The following MAGI2 variants were observed in gnomAD, a reference collection of about 807,000 sequenced individuals.
MAGI2 encodes the protein membrane associated guanylate kinase, WW and PDZ domain containing 2, also known as membrane-associated guanylate kinase, WW and PDZ domain-containing protein 2.
A neutral mutation model predicts 133.3 loss-of-function variants in MAGI2; 35 were observed. The ratio of observed to expected loss-of-function variants is 0.26; its 90% CI spans 0.20 to 0.35. The LOEUF (loss-of-function observed/expected upper bound fraction) is 0.35, where lower values mean the gene tolerates loss of function less well. Among genes scored for constraint, MAGI2 ranks in the 10% least tolerant of loss-of-function variants. The pLI is 1.00. For missense variants in MAGI2, 1,636 were observed against 1,863.4 expected (o/e 0.88, Z 2.25); for synonymous variants, 729 against 710.6 (o/e 1.03, Z -0.41).
At chr7:78,525,862 C>G (rs1796905233) in intron 3 of MAGI2, among the ~76,000 whole-genome samples, 1 of 152,134 alleles carries the variant, frequency 6.6e-6, no homozygotes, top group East Asian at 1.9e-4. Context: ...CCGTCATGGG[C>G]ATTTTACATA....
At chr7:79,198,811 C>A (rs924043752) in intron 1 of MAGI2, among the ~76,000 whole-genome samples, 1 of 151,814 alleles carries the variant, frequency 6.6e-6, no homozygotes, top group African/African-American at 2.4e-5. Context: ...TCGCTTGAAC[C>A]CAAGAGGCAG....
intron 2 of MAGI2, among the ~76,000 whole-genome samples, chr7:78,864,152 C>G (rs1262315140): frequency 6.6e-6 from 1 of 152,178 alleles, no homozygotes; most frequent in Non-Finnish European, 1.5e-5. Context: ...CTAAAAATTA[C>G]TATCTTTTAA....
intron 9 of MAGI2, among the ~76,000 whole-genome samples, chr7:78,328,819 A>G (rs1788870804): frequency 6.6e-6 from 1 of 152,166 alleles, no homozygotes; most frequent in Non-Finnish European, 1.5e-5. Flanking sequence ...CCATAGTCAG[A>G]TAAGAAAATA....
chr7:78,755,231 G>T (rs1396466490), intron 2 of MAGI2, among the ~76,000 whole-genome samples: 1 of 152,084 alleles, frequency 6.6e-6, no homozygotes, highest in African/African-American at 2.4e-5. Flanking sequence ...TATGTACGGT[G>T]GAAAAAAACA....
chr7:79,030,552 A>C (rs543613511), intron 1 of MAGI2, among the ~76,000 whole-genome samples: 1 of 152,304 alleles, frequency 6.6e-6, no homozygotes, highest in South Asian at 2.1e-4. Context: ...ATTTGGGACT[A>C]AAAATAAGAA....
chr7:79,364,352 C>G (rs1055352935), intron 1 of MAGI2, among the ~76,000 whole-genome samples: 2 of 151,906 alleles, frequency 1.3e-5, no homozygotes, highest in African/African-American at 4.8e-5. Context: ...ATTTTAATGT[C>G]TCACCTGAAA....
chr7:78,960,232 C>T (rs111975860), intron 2 of MAGI2, among the ~76,000 whole-genome samples: 3,965 of 152,162 alleles, frequency 0.026, 172 homozygotes, highest in African/African-American at 0.09. Context: ...AGCACACAAA[C>T]ATTTACTAAC....
chr7:78,936,302 G>A (rs1800512172), intron 2 of MAGI2, among the ~76,000 whole-genome samples: 1 of 151,888 alleles, frequency 6.6e-6, no homozygotes, highest in Non-Finnish European at 1.5e-5. Context: ...CATTTTGTAT[G>A]TATTAACTCA....
chr7:79,093,714 C>CTTT (rs369075503), intron 1 of MAGI2, among the ~76,000 whole-genome samples: 8 of 113,300 alleles, frequency 7.1e-5, no homozygotes, highest in African/African-American at 2.3e-4. Context: ...CTTTTCTTTT[C>CTTT]TTTTTTTTTT....
chr7:78,383,429 CA>C (rs1795103778), intron 6 of MAGI2, among the ~76,000 whole-genome samples: 2 of 152,050 alleles, frequency 1.3e-5, no homozygotes, highest in African/African-American at 4.8e-5. Flanking sequence ...ACTGTCTATT[CA>C]TATCATTTGC....
At chr7:79,163,767 T>C (rs10953783) in intron 1 of MAGI2, among the ~76,000 whole-genome samples, 96,750 of 151,900 alleles carry the variant, frequency 0.64, 35,339 homozygotes, top group Non-Finnish European at 0.83. Flanking sequence ...TATAACCTTC[T>C]TGGATGCCTA....
intron 6 of MAGI2, among the ~76,000 whole-genome samples, chr7:78,477,461 A>G (rs1438262381): frequency 6.6e-6 from 1 of 151,978 alleles, no homozygotes. Context: ...CATACCCGAG[A>G]CTGGGTAATT....
At chr7:79,400,691 T>G (rs2129162032) in intron 1 of MAGI2, among the ~76,000 whole-genome samples, 1 of 152,254 alleles carries the variant, frequency 6.6e-6, no homozygotes, top group South Asian at 2.1e-4. Flanking sequence ...TCAAGTAAAT[T>G]TACCTTACAG....
rs199538996 is a variant in MAGI2 at position 78,748,494 on chromosome 7, A to C, written c.419-121255T>G. ...TAAGGTGATTCATTAATGCCAAGACATACACTATGAAAAAGTGTAAAACCC... is the reference window on the plus strand; with the variant it reads ...TAAGGTGATTCATTAATGCCAAGACCTACACTATGAAAAAGTGTAAAACCC... On this transcript the variant is annotated intron_variant, in intron 2 of 21. Coordinates refer to ENST00000354212, the MANE Select transcript of MAGI2 (RefSeq NM_012301.4). Among the ~76,000 whole-genome samples, 8 of 152,336 alleles carry C rather than the reference A, an allele frequency of 5.3e-5. No individual in the cohort carries two copies. The East Asian group carries it at 1.5e-3, about 29-fold the overall frequency.
chr7:78,774,277 GA>G (rs1394745018), intron 2 of MAGI2, among the ~76,000 whole-genome samples: 1 of 152,150 alleles, frequency 6.6e-6, no homozygotes, highest in Non-Finnish European at 1.5e-5. Context: ...ACAGAAAAAA[GA>G]CTATTTAGAA....
intron 3 of MAGI2, among the ~76,000 whole-genome samples, chr7:78,559,424 A>G (rs558512893): frequency 1.3e-5 from 2 of 152,150 alleles, no homozygotes; most frequent in Non-Finnish European, 2.9e-5. Flanking sequence ...TACATAACTC[A>G]GAAAAGATTA....
At chr7:78,280,739 G>A (rs891998036) in intron 9 of MAGI2, among the ~76,000 whole-genome samples, 3 of 150,986 alleles carry the variant, frequency 2.0e-5, no homozygotes, top group Middle Eastern at 3.4e-3. Flanking sequence ...GGACAGTCAG[G>A]GACTACAACA....
chr7:78,540,261 A>G (rs1798303432), intron 3 of MAGI2, among the ~76,000 whole-genome samples: 1 of 152,170 alleles, frequency 6.6e-6, no homozygotes, highest in South Asian at 2.1e-4. Context: ...TGCTGTAGCC[A>G]CTGTTGGGGA....
chr7:78,618,180 C>G (rs1807312366), intron 3 of MAGI2: 1 of 151,964 alleles, frequency 6.6e-6, no homozygotes, highest in Non-Finnish European at 1.5e-5. Context: ...CAAGACTTAA[C>G]ATGCAAGAGC....
Sources: allele counts gnomAD v4.1 joint callset (sites outside exome capture counted in the v4.1 genomes callset), GRCh38; gene constraint gnomAD v4.1.1; transcripts MANE v1.5; gene names NCBI Gene and HGNC (gene_info 2026-07-23, HGNC 2026-07-21).